Variants in TENM3 observed in about 807,000 individuals in gnomAD.
The protein encoded by TENM3 is teneurin transmembrane protein 3.
In TENM3, 63 loss-of-function variants were observed where a neutral mutation model predicts 255.1. The ratio of observed to expected loss-of-function variants is 0.25; its 90% CI spans 0.20 to 0.30. The LOEUF (loss-of-function observed/expected upper bound fraction) is 0.30, where lower values mean the gene tolerates loss of function less well. TENM3 is among the 10% of genes least tolerant of loss of function. The pLI, the probability that TENM3 is intolerant of heterozygous loss-of-function variation, is 1.00. For missense variants in TENM3, 2,929 were observed against 3,461.1 expected (o/e 0.85, Z 3.86); for synonymous variants, 1,306 against 1,322.3 (o/e 0.99, Z 0.27).
rs190819771 is a variant in TENM3 at position 182,527,929 on chromosome 4, T to C, written c.512-72995T>C. Among the ~76,000 whole-genome samples the C allele has an allele frequency of 2.4e-3, 366 of 152,250 alleles. 1 individual carries two copies. The highest frequency in any genetic ancestry group is 2.4e-3 in the Non-Finnish European group (164 of 68,024). On this transcript the variant is annotated intron_variant, in intron 3 of 27. Transcript: ENST00000511685. ...TTTTAGTAGAGACGAAGTTTCACCA[T>C]GTTGGCCAGGATGGTCTCCATCTCT...
intron 3 of TENM3, among the ~76,000 whole-genome samples, chr4:182,391,563 A>T (rs1768425484): frequency 6.6e-6 from 1 of 152,244 alleles, no homozygotes; most frequent in Non-Finnish European, 1.5e-5. Flanking sequence ...GGACTAACAC[A>T]CAATGAAAAA....
chr4:182,720,294 A>G (rs901940893), intron 13 of TENM3, among the ~76,000 whole-genome samples: 2 of 152,158 alleles, frequency 1.3e-5, no homozygotes, highest in African/African-American at 4.8e-5. Context: ...GTTCTCTAAA[A>G]ACAGATTTAA....
the TENM3 span, among the ~76,000 whole-genome samples, chr4:181,749,393 G>A: frequency 1.9e-4 from 29 of 152,134 alleles, no homozygotes; most frequent in Middle Eastern, 3.4e-3. Flanking sequence ...CCCCTGTAAC[G>A]TACCGTTTTG....
chr4:181,550,508 C>T, the TENM3 span, among the ~76,000 whole-genome samples: 2 of 152,264 alleles, frequency 1.3e-5, no homozygotes, highest in East Asian at 1.9e-4. Context: ...GGTCAATGAT[C>T]GAGTCTTTCT....
At chr4:182,051,251 G>A in the TENM3 span, among the ~76,000 whole-genome samples, 1 of 151,640 alleles carries the variant, frequency 6.6e-6, no homozygotes, top group African/African-American at 2.4e-5. Context: ...GCTAAGGCAG[G>A]AGAATCGCTT....
At chr4:182,318,601 G>A (rs1289984557) in intron 1 of TENM3, among the ~76,000 whole-genome samples, 1 of 152,118 alleles carries the variant, frequency 6.6e-6, no homozygotes, top group African/African-American at 2.4e-5. Flanking sequence ...CAGAGTGTTG[G>A]GAAGAAGCAA....
intron 3 of TENM3, among the ~76,000 whole-genome samples, chr4:182,379,052 T>A (rs147422868): frequency 6.6e-6 from 1 of 152,222 alleles, no homozygotes; most frequent in East Asian, 1.9e-4. Context: ...TCATAAAAAC[T>A]CGAGGAGATG....
In TENM3 at chr4:182,306,027, G is replaced by A. The variant is rs1270288456; in HGVS notation, c.-75-17919G>A. 2.6e-5 allele frequency among the ~76,000 whole-genome samples: 4 copies of A among 152,054 alleles called. No individual in the cohort carries two copies. In the South Asian group the frequency reaches 8.3e-4, roughly 32 times the overall value. On this transcript the variant is annotated intron_variant, in intron 1 of 27. Coordinates refer to ENST00000511685, the MANE Select transcript of TENM3 (RefSeq NM_001080477.4). ...ATATGGGAGGAGCTGGAGGTGCCTGGCCCTGTCTGGTCAGGTGGTGGGTCT... is the reference window on the plus strand; with the variant it reads ...ATATGGGAGGAGCTGGAGGTGCCTGACCCTGTCTGGTCAGGTGGTGGGTCT...
the TENM3 span, among the ~76,000 whole-genome samples, chr4:181,467,084 C>CGTGT: frequency 5.6e-4 from 33 of 58,982 alleles, no homozygotes; most frequent in East Asian, 5.0e-3. Context: ...TGTGTGTGTG[C>CGTGT]GTGTGTGTGT....
the TENM3 span, among the ~76,000 whole-genome samples, chr4:181,973,289 G>A: frequency 6.6e-6 from 1 of 152,102 alleles, no homozygotes; most frequent in Admixed American, 6.6e-5. Flanking sequence ...AGTGAACAAA[G>A]GATGAAGATT....
intron 12 of TENM3, among the ~76,000 whole-genome samples, chr4:182,709,729 C>T (rs2152667216): frequency 6.6e-6 from 1 of 152,140 alleles, no homozygotes; most frequent in South Asian, 2.1e-4. Context: ...TGTTGTTCTT[C>T]CTTCTTTTGC....
chr4:181,468,132 CAAAA>C, the TENM3 span, among the ~76,000 whole-genome samples: 1 of 130,740 alleles, frequency 7.6e-6, no homozygotes, highest in Non-Finnish European at 1.6e-5. Context: ...CCCATCTGTA[CAAAA>C]AAAAAAAAAA....
At chr4:181,793,924 G>GATTA in the TENM3 span, among the ~76,000 whole-genome samples, 3 of 152,096 alleles carry the variant, frequency 2.0e-5, no homozygotes, top group Admixed American at 6.5e-5. Context: ...ATTAGGGCTG[G>GATTA]TCCTATAGTC....
intron 1 of TENM3, among the ~76,000 whole-genome samples, chr4:182,197,092 C>G (rs527570510): frequency 2.6e-5 from 4 of 152,204 alleles, no homozygotes; most frequent in Non-Finnish European, 5.9e-5. Context: ...TAAAAGTTCT[C>G]TGGTTCTACT....
chr4:182,317,423 C>T (rs527542896), intron 1 of TENM3, among the ~76,000 whole-genome samples: 181 of 152,238 alleles, frequency 1.2e-3, no homozygotes, highest in Middle Eastern at 6.8e-3. Flanking sequence ...TCTCAGCCAC[C>T]CAAGTAGCTG....
chr4:182,791,431 T>C (rs1409779847), intron 25 of TENM3, among the ~76,000 whole-genome samples: 2 of 152,206 alleles, frequency 1.3e-5, no homozygotes, highest in African/African-American at 4.8e-5. Context: ...CTCTCACATT[T>C]GTTGGCCTAG....
the TENM3 span, among the ~76,000 whole-genome samples, chr4:182,063,920 C>T: frequency 2.6e-5 from 4 of 152,104 alleles, no homozygotes; most frequent in African/African-American, 7.2e-5. Context: ...TGAAGGAAGG[C>T]ATTCATGGAG....
At chr4:182,532,304 C>T (rs1423631886) in intron 3 of TENM3, among the ~76,000 whole-genome samples, 4 of 152,146 alleles carry the variant, frequency 2.6e-5, no homozygotes, top group Admixed American at 1.3e-4. Context: ...TTTGAAGATT[C>T]AGTGATATAT....
At chr4:181,915,867 T>C in the TENM3 span, among the ~76,000 whole-genome samples, 2 of 152,106 alleles carry the variant, frequency 1.3e-5, no homozygotes, top group Non-Finnish European at 2.9e-5. Flanking sequence ...CAGGCTAAGA[T>C]ATTATTAAGA....
Sources: allele counts gnomAD v4.1 joint callset (sites outside exome capture counted in the v4.1 genomes callset), GRCh38; gene constraint gnomAD v4.1.1; transcripts MANE v1.5; gene names NCBI Gene and HGNC (gene_info 2026-07-23, HGNC 2026-07-21).